TAFA1: variants seen among roughly 807,000 people sequenced by gnomAD.
TAFA1 encodes TAFA chemokine like family member 1, also known as chemokine-like protein TAFA-1.
A neutral mutation model predicts 18.5 loss-of-function variants in TAFA1; 4 were observed. The observed-to-expected ratio is 0.22, with a 90% CI of 0.11 to 0.49. TAFA1 has a LOEUF of 0.49. Among genes scored for constraint, TAFA1 ranks in the 20% least tolerant of loss-of-function variants. TAFA1 has a pLI of 0.98. For missense variants in TAFA1, 147 were observed against 169.0 expected (o/e 0.87, Z 0.72); for synonymous variants, 56 against 55.2 (o/e 1.01, Z -0.06).
At chr3:68,509,680 A>G (rs533608657) in intron 3 of TAFA1, among the ~76,000 whole-genome samples, 14 of 152,236 alleles carry the variant, frequency 9.2e-5, no homozygotes, top group African/African-American at 3.4e-4. Flanking sequence ...TCCTGTCATT[A>G]CCAGCCATTA....
chr3:68,289,686 G>A (rs550345135), intron 2 of TAFA1, among the ~76,000 whole-genome samples: 28 of 152,180 alleles, frequency 1.8e-4, no homozygotes, highest in Admixed American at 3.3e-4. Context: ...GATGTGATCT[G>A]TGTTTTAGAA....
At chr3:68,462,961 C>T (rs754761617) in intron 3 of TAFA1, among the ~76,000 whole-genome samples, 4 of 152,128 alleles carry the variant, frequency 2.6e-5, no homozygotes, top group Admixed American at 6.6e-5. Flanking sequence ...GTAAACAAAA[C>T]AACTCTCAAG....
chr3:68,120,201 CTT>C (rs1278769433), intron 2 of TAFA1, among the ~76,000 whole-genome samples: 2 of 95,828 alleles, frequency 2.1e-5, no homozygotes, highest in Admixed American at 1.1e-4. Context: ...TTCTTTCTTT[CTT>C]TCTTTCTTTC....
At chr3:68,118,971 G>A (rs777640919) in intron 2 of TAFA1, among the ~76,000 whole-genome samples, 50 of 151,722 alleles carry the variant, frequency 3.3e-4, no homozygotes, top group Non-Finnish European at 6.0e-4. Context: ...CAGGGGCAAC[G>A]TCATTTTTCA....
chr3:68,233,569 T>C (rs572224899), intron 2 of TAFA1, among the ~76,000 whole-genome samples: 1 of 152,346 alleles, frequency 6.6e-6, no homozygotes, highest in African/African-American at 2.4e-5. Flanking sequence ...TCCAGTTTTG[T>C]CCTTTTTGCT....
At chr3:68,511,919 A>G (rs2072852771) in intron 3 of TAFA1, among the ~76,000 whole-genome samples, 2 of 152,080 alleles carry the variant, frequency 1.3e-5, no homozygotes, top group African/African-American at 4.8e-5. Context: ...ATCATCACCA[A>G]TAACATAGAT....
intron 3 of TAFA1, among the ~76,000 whole-genome samples, chr3:68,503,374 C>T (rs899517249): frequency 2.6e-5 from 4 of 152,074 alleles, no homozygotes; most frequent in African/African-American, 9.7e-5. Context: ...GGATACTTAG[C>T]CTGCACTAAA....
chr3:68,280,846 A>G (rs1042945794), intron 2 of TAFA1, among the ~76,000 whole-genome samples: 1 of 152,144 alleles, frequency 6.6e-6, no homozygotes, highest in African/African-American at 2.4e-5. Flanking sequence ...GTTTCTTCAG[A>G]TAAGTTCAGA....
intron 2 of TAFA1, among the ~76,000 whole-genome samples, chr3:68,329,634 A>C (rs192762483): frequency 6.6e-6 from 1 of 152,310 alleles, no homozygotes; most frequent in Non-Finnish European, 1.5e-5. Flanking sequence ...CCACAGTCTC[A>C]TATGTTGACC....
chr3:68,077,136 C>A (rs1169473737), intron 2 of TAFA1, among the ~76,000 whole-genome samples: 3 of 148,988 alleles, frequency 2.0e-5, no homozygotes, highest in East Asian at 3.9e-4. Context: ...ATGTCCTTTG[C>A]CCACTTTTTG....
At chr3:68,320,730 T>C (rs1048827598) in intron 2 of TAFA1, among the ~76,000 whole-genome samples, 2 of 152,152 alleles carry the variant, frequency 1.3e-5, no homozygotes, top group Admixed American at 1.3e-4. Flanking sequence ...ATGAAAACCA[T>C]GTTCCAAAGA....
Position 68,388,087 on chromosome 3 carries a change from A to G in TAFA1, c.119-29193A>G, listed in dbSNP as rs189172148. 1.1e-3 allele frequency among the ~76,000 whole-genome samples: 165 copies of G among 152,286 alleles called. 2 individuals are homozygous for G. Among genetic ancestry groups the G allele is most frequent in the Middle Eastern group, 0.01 (3 of 294 alleles). The stretch of plus-strand genomic sequence containing the variant: ...GGCATATTCAGTATTTCAATATGTC[A>G]TTTTTAGAAACCACGTAAAATTCCT... On this transcript the variant is annotated intron_variant, in intron 2 of 4. Transcript: ENST00000478136.
At chr3:68,458,802 A>T (rs13094885) in intron 3 of TAFA1, among the ~76,000 whole-genome samples, 58,299 of 148,306 alleles carry the variant, frequency 0.39, 11,818 homozygotes, top group Non-Finnish European at 0.44. Context: ...TTTTTTTTTT[A>T]AACTGTATCA....
intron 2 of TAFA1, among the ~76,000 whole-genome samples, chr3:68,151,486 G>A (rs1031849765): frequency 1.3e-5 from 2 of 152,110 alleles, no homozygotes; most frequent in Non-Finnish European, 2.9e-5. Context: ...GAAATTTCTT[G>A]CTCACAGTTC....
chr3:68,318,548 G>T (rs2068643221), intron 2 of TAFA1, among the ~76,000 whole-genome samples: 1 of 152,182 alleles, frequency 6.6e-6, no homozygotes, highest in Admixed American at 6.5e-5. Context: ...CATTCCTACA[G>T]TCTTGACCAG....
intron 3 of TAFA1, among the ~76,000 whole-genome samples, chr3:68,472,499 T>C (rs905832956): frequency 7.2e-6 from 1 of 139,666 alleles, no homozygotes; most frequent in South Asian, 2.6e-4. Context: ...TGTTTAGAAC[T>C]AAATACACAC....
intron 2 of TAFA1, among the ~76,000 whole-genome samples, chr3:68,386,365 G>A (rs145692307): frequency 6.6e-6 from 1 of 152,248 alleles, no homozygotes; most frequent in East Asian, 1.9e-4. Flanking sequence ...GTTCTCTGGT[G>A]ATGTGTAGTG....
chr3:68,129,175 A>G (rs28366534), intron 2 of TAFA1, among the ~76,000 whole-genome samples: 37,064 of 152,084 alleles, frequency 0.24, 4,625 homozygotes, highest in East Asian at 0.43. Flanking sequence ...TTAGCCAGAA[A>G]TCAGAGAGGT....
intron 3 of TAFA1, among the ~76,000 whole-genome samples, chr3:68,434,846 A>G (rs563402402): frequency 2.0e-5 from 3 of 152,106 alleles, no homozygotes; most frequent in Non-Finnish European, 4.4e-5. Flanking sequence ...CATGTCTAAT[A>G]CTACCTCCTG....
Sources: gnomAD v4.1 joint callset for allele counts (sites outside exome capture counted in the v4.1 genomes callset) on GRCh38, gnomAD v4.1.1 for gene constraint, MANE v1.5 for transcripts, NCBI Gene and HGNC (gene_info 2026-07-23, HGNC 2026-07-21) for gene names.